SAMD3: variants seen among roughly 807,000 people sequenced by gnomAD.
SAMD3 encodes sterile alpha motif domain containing 3.
SAMD3 carries 63 observed loss-of-function variants against 58.5 expected under a neutral mutation model. The ratio of observed to expected loss-of-function variants is 1.08; its 90% confidence interval spans 0.88 to 1.33. The LOEUF (loss-of-function observed/expected upper bound fraction) is 1.33, where lower values mean the gene tolerates loss of function less well. Ranked by LOEUF, SAMD3 falls within the 40% of genes most tolerant of loss-of-function variation. SAMD3 has a pLI of 0.00. For missense variants in SAMD3, 604 were observed against 608.4 expected, an observed-to-expected ratio of 0.99 and a Z score of 0.08; for synonymous variants, 220 against 210.3, an observed-to-expected ratio of 1.05 and a Z score of -0.40.
chr6:130,358,290 A>G (rs1023339507), intron 1 of SAMD3, among the ~76,000 whole-genome samples: 2 of 152,234 alleles, frequency 1.3e-5, no homozygotes, highest in Non-Finnish European at 2.9e-5. Context: ...TTGCCAGAAG[A>G]TTCCTTAAAA....
intron 1 of SAMD3, among the ~76,000 whole-genome samples, chr6:130,343,178 A>C (rs1777322967): frequency 6.6e-6 from 1 of 151,826 alleles, no homozygotes; most frequent in Non-Finnish European, 1.5e-5. Flanking sequence ...TTTTTAACTT[A>C]CTATAAAAAG....
intron 2 of SAMD3, among the ~76,000 whole-genome samples, chr6:130,296,220 A>C (rs904461133): frequency 2.0e-5 from 3 of 152,252 alleles, no homozygotes; most frequent in African/African-American, 7.2e-5. Flanking sequence ...CAGAAAGATC[A>C]AAGTTACTGG....
At chr6:130,147,827 G>C (rs917944264) in intron 9 of SAMD3, among the ~76,000 whole-genome samples, 1 of 152,114 alleles carries the variant, frequency 6.6e-6, no homozygotes. Context: ...TTTCCTTGAC[G>C]GTTTCTGAAA....
At chr6:130,316,979 T>C (rs7740388) in intron 1 of SAMD3, among the ~76,000 whole-genome samples, 64,626 of 152,060 alleles carry the variant, frequency 0.43, 15,356 homozygotes, top group African/African-American at 0.64. Flanking sequence ...CTCTGGTTTG[T>C]ACAGCCAGGA....
intron 1 of SAMD3, among the ~76,000 whole-genome samples, chr6:130,355,116 C>T (rs1777787108): frequency 6.6e-6 from 1 of 152,162 alleles, no homozygotes; most frequent in Admixed American, 6.5e-5. Context: ...CTGTAGGGTA[C>T]ATTTGTTTAC....
intron 1 of SAMD3, among the ~76,000 whole-genome samples, chr6:130,321,165 A>C (rs140951911): frequency 0.02 from 3,015 of 152,320 alleles, 91 homozygotes; most frequent in African/African-American, 0.068. Context: ...GGTTACAAAA[A>C]GAGTCTGGCT....
In SAMD3 at chr6:130,330,177, T is replaced by G. The variant is rs77465495; in HGVS notation, c.-303-17084A>C. On this transcript the variant is annotated intron_variant, in intron 1 of 13. Coordinates refer to the SAMD3 transcript ENST00000368134. ...ATTTCATGTGTGATGAAGTAAGGAT[T>G]GTTGCCTGAAAGGTCGGCAGGCCCA... 2.2e-3 allele frequency among the ~76,000 whole-genome samples: 328 copies of G among 152,314 alleles called. 1 individual carries two copies. Among genetic ancestry groups the G allele is most frequent in the African/African-American group, 7.4e-3 (306 of 41,578 alleles).
chr6:130,329,811 A>G (rs1016152632), intron 1 of SAMD3, among the ~76,000 whole-genome samples: 2 of 151,732 alleles, frequency 1.3e-5, no homozygotes, highest in East Asian at 3.9e-4. Context: ...AAACTAACAC[A>G]GGAACAGAAA....
chr6:130,326,876 T>G (rs954945152), intron 1 of SAMD3, among the ~76,000 whole-genome samples: 5 of 152,220 alleles, frequency 3.3e-5, no homozygotes, highest in Non-Finnish European at 7.3e-5. Flanking sequence ...ACTACCCTGG[T>G]GGATATAGAT....
rs9483111 is a variant in SAMD3, at chr6:130,326,423, G to A, written c.-303-13330C>T. 5.2e-3 allele frequency among the ~76,000 whole-genome samples: 728 copies of A among 140,962 alleles called. 4 individuals carry two copies. Among genetic ancestry groups the A allele is most frequent in the African/African-American group, 0.018 (675 of 37,340 alleles). 92.5% of individuals were successfully genotyped at this position (140,962 alleles called of 152,430 possible). ...ATCCTCATTGCTGAGCCAATGTGAC[G>A]TATTTTTTAGTAACTTTTTTCTGAA... is the stretch of plus-strand genomic sequence containing the variant. On this transcript the variant is annotated intron_variant, in intron 1 of 13. Coordinates refer to the SAMD3 transcript ENST00000368134.
At position 130,178,459 on chromosome 6, in the gene SAMD3, G is replaced by A. The variant is rs114405172; in HGVS notation, c.655-2451C>T. 3.1e-3 allele frequency among the ~76,000 whole-genome samples: 474 copies of A among 151,776 alleles called. 9 individuals are homozygous for A. Among genetic ancestry groups the A allele is most frequent in the African/African-American group, 0.011 (455 of 41,392 alleles). ...TGGCCAAGAGAGAAAGTGGTAAGTC[G>A]CCAAATGGCTTTGGGCATGTTTTCT... is the stretch of plus-strand genomic sequence containing the variant. On this transcript the variant is annotated intron_variant, in intron 7 of 11. Transcript: ENST00000439090.
chr6:130,176,368 A>G (rs927581693), intron 7 of SAMD3, among the ~76,000 whole-genome samples: 8 of 152,152 alleles, frequency 5.3e-5, no homozygotes, highest in Non-Finnish European at 1.0e-4. Flanking sequence ...CCATTTTTCT[A>G]GTGGGTTCTA....
chr6:130,273,942 T>C (rs927152860), intron 2 of SAMD3, among the ~76,000 whole-genome samples: 2 of 120,118 alleles, frequency 1.7e-5, no homozygotes, highest in African/African-American at 9.9e-5. Context: ...ACACCATCAT[T>C]ACAGTATTAT....
At chr6:130,292,970 A>G (rs560563601) in intron 2 of SAMD3, among the ~76,000 whole-genome samples, 1 of 152,216 alleles carries the variant, frequency 6.6e-6, no homozygotes, top group South Asian at 2.1e-4. Context: ...TATGTGATTC[A>G]CAATGTCAAT....
chr6:130,267,432 G>A (rs185927910), intron 2 of SAMD3, among the ~76,000 whole-genome samples: 53 of 152,288 alleles, frequency 3.5e-4, no homozygotes, highest in Admixed American at 2.7e-3. Context: ...CTATTGCACA[G>A]GAAGACGTAA....
intron 5 of SAMD3, among the ~76,000 whole-genome samples, chr6:130,186,767 A>ATTTTTTTTTT (rs35592601): frequency 2.8e-5 from 3 of 107,034 alleles, no homozygotes; most frequent in Non-Finnish European, 5.3e-5. Context: ...CCTTCCTGGG[A>ATTTTTTTTTT]TTTTTTTTTT....
chr6:130,152,544 G>A (rs1789310745), intron 9 of SAMD3, among the ~76,000 whole-genome samples: 1 of 152,042 alleles, frequency 6.6e-6, no homozygotes, highest in Non-Finnish European at 1.5e-5. Context: ...AGGCGTGGTG[G>A]CGTGCATCCG....
intron 2 of SAMD3, among the ~76,000 whole-genome samples, chr6:130,240,428 C>G (rs1460943260): frequency 6.6e-6 from 1 of 152,144 alleles, no homozygotes; most frequent in East Asian, 1.9e-4. Flanking sequence ...TAATCACAGA[C>G]GTCTGTGGGA....
At chr6:130,263,179 G>A (rs1009498565) in intron 2 of SAMD3, among the ~76,000 whole-genome samples, 1 of 152,114 alleles carries the variant, frequency 6.6e-6, no homozygotes, top group Admixed American at 6.5e-5. Flanking sequence ...AATAAAAATA[G>A]GTGCTAAAGG....
Sources: gnomAD v4.1 joint callset for allele counts (sites outside exome capture counted in the v4.1 genomes callset) on GRCh38, gnomAD v4.1.1 for gene constraint, MANE v1.5 for transcripts, NCBI Gene and HGNC (gene_info 2026-07-23, HGNC 2026-07-21) for gene names.